DAB1: variants seen among roughly 807,000 people sequenced by gnomAD.
The protein encoded by DAB1 is DAB adaptor protein 1, also known as disabled homolog 1.
A neutral mutation model predicts 64.6 loss-of-function variants in DAB1; 15 were observed. The observed-to-expected ratio is 0.23, with a 90% CI of 0.16 to 0.36. The LOEUF (loss-of-function observed/expected upper bound fraction) is 0.36, where lower values mean the gene tolerates loss of function less well. Ranked by LOEUF, DAB1 falls within the 10% of genes least tolerant of loss-of-function variation. DAB1 has a pLI of 1.00. For missense variants in DAB1, 596 were observed against 706.7 expected, an observed-to-expected ratio of 0.84 and a Z score of 1.78; for synonymous variants, 235 against 251.9, an observed-to-expected ratio of 0.93 and a Z score of 0.64.
chr1:57,243,623 T>C (rs1331830943), intron 2 of DAB1, among the ~76,000 whole-genome samples: 1 of 152,198 alleles, frequency 6.6e-6, no homozygotes, highest in African/African-American at 2.4e-5. Context: ...TCCCATTCTA[T>C]ACATCATGTT....
intron 7 of DAB1, among the ~76,000 whole-genome samples, chr1:57,602,597 C>CT: frequency 6.6e-6 from 1 of 152,288 alleles, no homozygotes. Context: ...GAAACACGAA[C>CT]TTACTGGGAA....
At chr1:58,428,706 A>C (rs756503749) in intron 3 of DAB1, among the ~76,000 whole-genome samples, 16 of 152,250 alleles carry the variant, frequency 1.1e-4, no homozygotes, top group Non-Finnish European at 1.9e-4. Flanking sequence ...ATTTGCTTCT[A>C]AATACTCTAT....
At chr1:58,127,995 G>C (rs1195593792) in intron 5 of DAB1, among the ~76,000 whole-genome samples, 6 of 152,018 alleles carry the variant, frequency 3.9e-5, no homozygotes. Context: ...ATTGTGTGAA[G>C]AAAGTCATTG....
At chr1:57,230,282 AAATTTTCCCTG>A (rs1188333001) in intron 2 of DAB1, among the ~76,000 whole-genome samples, 1 of 152,088 alleles carries the variant, frequency 6.6e-6, no homozygotes, top group Non-Finnish European at 1.5e-5. Context: ...CAAAAAAGAA[AAATTTTCCCTG>A]AAGATTACAA....
At chr1:58,514,514 C>T (rs1279309915) in intron 2 of DAB1, among the ~76,000 whole-genome samples, 2 of 152,134 alleles carry the variant, frequency 1.3e-5, no homozygotes, top group South Asian at 2.1e-4. Context: ...CCATCACCCC[C>T]TTCCAAAGGT....
chr1:57,719,543 G>A (rs909333970), intron 6 of DAB1, among the ~76,000 whole-genome samples: 4 of 152,208 alleles, frequency 2.6e-5, no homozygotes, highest in Middle Eastern at 3.2e-3. Context: ...TTAGATCACG[G>A]GGGCAGTTTC....
At chr1:58,530,765 T>C (rs1362153578) in intron 1 of DAB1, 3 of 861,126 alleles carry the variant, frequency 3.5e-6, no homozygotes, top group Non-Finnish European at 4.0e-6. Context: ...CTACATTTTA[T>C]ACATTGAGAC....
intron 4 of DAB1, among the ~76,000 whole-genome samples, chr1:58,247,759 T>C (rs1660613622): frequency 6.6e-6 from 1 of 151,610 alleles, no homozygotes; most frequent in Admixed American, 6.6e-5. Flanking sequence ...CCTTCCTGCA[T>C]CTCTCCCTTC....
intron 1 of DAB1, among the ~76,000 whole-genome samples, chr1:57,372,147 C>T (rs1226897413): frequency 6.6e-6 from 1 of 152,176 alleles, no homozygotes; most frequent in African/African-American, 2.4e-5. Flanking sequence ...AAATAATAAA[C>T]ATTCGCAGGA....
chr1:58,462,618 G>A (rs1023985571), intron 3 of DAB1: 5 of 152,106 alleles, frequency 3.3e-5, no homozygotes, highest in African/African-American at 1.2e-4. Flanking sequence ...AAGAAAATCA[G>A]ATATGTGGTC....
intron 1 of DAB1, among the ~76,000 whole-genome samples, chr1:57,369,977 C>T (rs1385917029): frequency 6.6e-6 from 1 of 152,200 alleles, no homozygotes; most frequent in Non-Finnish European, 1.5e-5. Context: ...TAACTCTCTT[C>T]TTCCCAGTTC....
intron 7 of DAB1, among the ~76,000 whole-genome samples, chr1:57,465,413 C>T (rs950284237): frequency 6.6e-6 from 1 of 152,104 alleles, no homozygotes; most frequent in Non-Finnish European, 1.5e-5. Flanking sequence ...ACAATGTGCC[C>T]AGTGCATATT....
chr1:58,294,096 C>T (rs1445485550), intron 4 of DAB1, among the ~76,000 whole-genome samples: 1 of 152,258 alleles, frequency 6.6e-6, no homozygotes, highest in East Asian at 1.9e-4. Context: ...CCAGACACTA[C>T]AATCTAGTTA....
intron 4 of DAB1, among the ~76,000 whole-genome samples, chr1:57,135,338 T>C (rs1657990805): frequency 6.6e-6 from 1 of 152,224 alleles, no homozygotes; most frequent in South Asian, 2.1e-4. Context: ...GTAATTCATA[T>C]AAATGGTATC....
At chr1:57,016,712 C>T (rs1439218778) in intron 11 of DAB1, among the ~76,000 whole-genome samples, 1 of 152,072 alleles carries the variant, frequency 6.6e-6, no homozygotes, top group Non-Finnish European at 1.5e-5. Flanking sequence ...TAATTGTTCA[C>T]TGTATTATTC....
intron 7 of DAB1, among the ~76,000 whole-genome samples, chr1:57,449,781 A>C (rs966713459): frequency 6.6e-6 from 1 of 152,214 alleles, no homozygotes; most frequent in Admixed American, 6.5e-5. Context: ...CAAAGGCTGG[A>C]AAACTCTTTA....
At chr1:57,133,331 T>C (rs1021083935) in intron 4 of DAB1, among the ~76,000 whole-genome samples, 11 of 152,278 alleles carry the variant, frequency 7.2e-5, no homozygotes, top group African/African-American at 2.6e-4. Flanking sequence ...GGAGAGAGAA[T>C]AGAGTCAGTG....
At chr1:57,700,129 C>T (rs571896713) in intron 6 of DAB1, among the ~76,000 whole-genome samples, 1 of 152,212 alleles carries the variant, frequency 6.6e-6, no homozygotes, top group South Asian at 2.1e-4. Flanking sequence ...TCATGTGCTA[C>T]CGGTCATTTG....
chr1:58,288,031 A>AG lies in DAB1; in HGVS notation n.309+55320_309+55321insC, dbSNP rs964810144. ...AGCAAGACTGCCTCAAAAAAAAAAAAAAAAAAAAAAAAAAGAAAAAAAAGA... is the reference window on the plus strand; with the variant it reads ...AGCAAGACTGCCTCAAAAAAAAAAAAGAAAAAAAAAAAAAAGAAAAAAAAGA... On this transcript the variant is annotated intron_variant and non_coding_transcript_variant, in intron 4 of 20. Coordinates refer to the DAB1 transcript ENST00000485760. 3.0e-4 allele frequency among the ~76,000 whole-genome samples: 43 copies of AG among 144,296 alleles called. 3 individuals carry two copies. Among genetic ancestry groups the AG allele is most frequent in the African/African-American group, 4.0e-4 (16 of 39,812 alleles). 94.7% of individuals were successfully genotyped at this position (144,296 alleles called of 152,430 possible). A position where few individuals can be genotyped will look rare whatever the true frequency, so the allele number is the denominator to read the frequency against.
Sources: gnomAD v4.1 joint callset for allele counts (sites outside exome capture counted in the v4.1 genomes callset) on GRCh38, gnomAD v4.1.1 for gene constraint, MANE v1.5 for transcripts, NCBI Gene and HGNC (gene_info 2026-07-23, HGNC 2026-07-21) for gene names.